Variants in CDYL observed in about 807,000 individuals in gnomAD.
CDYL encodes chromodomain Y-like protein.
Under a neutral mutation model 47.3 loss-of-function variants are expected in CDYL, and 8 were observed. That is an observed-to-expected ratio of 0.17 (90% CI 0.10 to 0.31). CDYL has a LOEUF of 0.31. CDYL is among the 10% of genes least tolerant of loss of function. The probability of loss-of-function intolerance (pLI) is 1.00; values close to 1 mark genes in which losing one functional copy is unlikely to be tolerated. For missense variants in CDYL, 471 were observed against 701.4 expected (o/e 0.67, Z 3.71); for synonymous variants, 266 against 265.0 (o/e 1.00, Z -0.04).
intron 1 of CDYL, among the ~76,000 whole-genome samples, chr6:4,821,735 C>CG (rs1554100346): frequency 5.4e-5 from 8 of 148,496 alleles, no homozygotes; most frequent in East Asian, 2.0e-4. Flanking sequence ...GACTGTATCT[C>CG]GGGGGAAAAA....
intron 1 of CDYL, among the ~76,000 whole-genome samples, chr6:4,787,765 CTTTTTTTTTTTT>C (rs70974136): frequency 2.9e-5 from 2 of 69,410 alleles, no homozygotes; most frequent in Non-Finnish European, 5.1e-5. Flanking sequence ...AAATTCAAGT[CTTTTTTTTTTTT>C]TTTTTTTTTT....
intron 5 of CDYL, among the ~76,000 whole-genome samples, chr6:4,951,091 C>T (rs1016887215): frequency 9.2e-5 from 14 of 152,248 alleles, no homozygotes; most frequent in South Asian, 2.1e-4. Flanking sequence ...ATGCAGTAAA[C>T]GGCATCAAGA....
intron 1 of CDYL, among the ~76,000 whole-genome samples, chr6:4,813,508 A>G (rs961970611): frequency 6.6e-6 from 1 of 152,190 alleles, no homozygotes; most frequent in African/African-American, 2.4e-5. Flanking sequence ...TATTTCAGGG[A>G]CTTACTCTAC....
chr6:4,802,469 G>A (rs1038374463), intron 1 of CDYL, among the ~76,000 whole-genome samples: 1 of 152,124 alleles, frequency 6.6e-6, no homozygotes, highest in African/African-American at 2.4e-5. Flanking sequence ...ATCCCAGGAG[G>A]TTGAGGCTGC....
At chr6:4,838,319 C>G (rs1025469010) in intron 1 of CDYL, among the ~76,000 whole-genome samples, 2 of 150,864 alleles carry the variant, frequency 1.3e-5, no homozygotes, top group South Asian at 4.3e-4. Flanking sequence ...CCCACCCTTT[C>G]CCCCAAGCCT....
chr6:4,765,784 G>A (rs1324104371), intron 3 of CDYL, among the ~76,000 whole-genome samples: 9 of 152,028 alleles, frequency 5.9e-5, no homozygotes, highest in Non-Finnish European at 1.0e-4. Context: ...GGCTGGTCTC[G>A]AACTCCTGAC....
chr6:4,740,863 T>A (rs576154646), intron 3 of CDYL, among the ~76,000 whole-genome samples: 1 of 151,980 alleles, frequency 6.6e-6, no homozygotes, highest in East Asian at 1.9e-4. Flanking sequence ...CTCTGCTCAC[T>A]GCAACCTCCG....
At chr6:4,715,628 C>A in intron 1 of CDYL, 1 of 1,018,928 alleles carries the variant, frequency 9.8e-7, no homozygotes, top group South Asian at 2.0e-5. Context: ...GCACAAAATG[C>A]TGGCTCACTC....
chr6:4,744,523 C>T (rs771284269), intron 3 of CDYL, among the ~76,000 whole-genome samples: 9 of 151,912 alleles, frequency 5.9e-5, no homozygotes, highest in African/African-American at 9.7e-5. Flanking sequence ...AATTATGAGA[C>T]AAAGAGAAAG....
chr6:4,739,193 A>T (rs1316818100), intron 3 of CDYL, among the ~76,000 whole-genome samples: 3 of 145,640 alleles, frequency 2.1e-5, no homozygotes, highest in African/African-American at 7.7e-5. Context: ...TAAATAATAA[A>T]AATAAAATAA....
At chr6:4,952,207 G>T (rs1758726826) in intron 5 of CDYL, 59 bp from the exon 6 acceptor site, 2 of 1,571,052 alleles carry the variant, frequency 1.3e-6, no homozygotes, top group South Asian at 1.2e-5. Context: ...TTAAGGGATG[G>T]GTCTTCCCCG....
intron 1 of CDYL, among the ~76,000 whole-genome samples, chr6:4,880,858 A>G (rs1391185497): frequency 1.3e-5 from 2 of 152,184 alleles, no homozygotes; most frequent in Admixed American, 6.5e-5. Context: ...CCATTTTTAA[A>G]TCAGTTTCAC....
At chr6:4,893,557 G>A (rs548484295) in intron 2 of CDYL, among the ~76,000 whole-genome samples, 1 of 152,348 alleles carries the variant, frequency 6.6e-6, no homozygotes, top group Non-Finnish European at 1.5e-5. Flanking sequence ...GCCAGGCGCG[G>A]TGGCGCGCAC....
intron 4 of CDYL, among the ~76,000 whole-genome samples, chr6:4,943,272 A>G (rs1442427890): frequency 6.6e-6 from 1 of 152,150 alleles, no homozygotes; most frequent in Admixed American, 6.5e-5. Context: ...TGCAAATTCC[A>G]GTGCAGCTCA....
chr6:4,715,695 T>G, intron 1 of CDYL: 1 of 1,543,884 alleles, frequency 6.5e-7, no homozygotes, highest in Non-Finnish European at 8.7e-7. Flanking sequence ...TTGGGTTTTT[T>G]CCCATGTACT....
At chr6:4,848,686 A>G (rs1393861665) in intron 1 of CDYL, among the ~76,000 whole-genome samples, 2 of 152,202 alleles carry the variant, frequency 1.3e-5, no homozygotes, top group African/African-American at 2.4e-5. Flanking sequence ...TTGTGTGGCT[A>G]TTTATAGCTG....
chr6:4,725,799 G>A (rs895168227), intron 2 of CDYL, among the ~76,000 whole-genome samples: 2 of 152,260 alleles, frequency 1.3e-5, no homozygotes, highest in Non-Finnish European at 2.9e-5. Context: ...CAGAGTGGGC[G>A]CCAAGGCCGA....
At chr6:4,734,780 C>A (rs1315621398) in exon 3 of CDYL, 1 of 1,614,000 alleles carries the variant, frequency 6.2e-7, no homozygotes, top group Non-Finnish European at 8.5e-7. Flanking sequence ...CCAGATGGGC[C>A]TTCAGACCCC....
intron 1 of CDYL, among the ~76,000 whole-genome samples, chr6:4,865,577 A>G (rs1761298050): frequency 6.6e-6 from 1 of 152,256 alleles, no homozygotes; most frequent in Admixed American, 6.5e-5. Flanking sequence ...AGAGTATAGA[A>G]TGAAATGGTC....
Sources: allele counts gnomAD v4.1 joint callset (sites outside exome capture counted in the v4.1 genomes callset), GRCh38; gene constraint gnomAD v4.1.1; transcripts MANE v1.5; gene names NCBI Gene and HGNC (gene_info 2026-07-23, HGNC 2026-07-21).